The following KAZN variants were observed in gnomAD, a reference collection of about 807,000 sequenced individuals.
KAZN encodes the protein kazrin, periplakin interacting protein, also known as kazrin.
In KAZN, 40 loss-of-function variants were observed where a neutral mutation model predicts 87.4. The observed-to-expected ratio is 0.46, with a 90% confidence interval of 0.36 to 0.60. KAZN has a LOEUF of 0.60. Ranked by LOEUF, KAZN falls within the 20% of genes least tolerant of loss-of-function variation. The pLI is 0.00. For missense variants in KAZN, 898 were observed against 1,073.9 expected, an observed-to-expected ratio of 0.84 and a Z score of 2.29; for synonymous variants, 466 against 458.3, an observed-to-expected ratio of 1.02 and a Z score of -0.22.
chr1:14,520,171 T>C (rs530840510), intron 2 of KAZN, among the ~76,000 whole-genome samples: 6 of 152,184 alleles, frequency 3.9e-5, no homozygotes, highest in African/African-American at 1.2e-4. Flanking sequence ...TGGTGTCCAG[T>C]CCTGGCACTT....
At chr1:14,265,741 G>C (rs1333773906) in intron 2 of KAZN, among the ~76,000 whole-genome samples, 3 of 152,200 alleles carry the variant, frequency 2.0e-5, no homozygotes, top group African/African-American at 7.2e-5. Flanking sequence ...ATTCATCAAA[G>C]ATGACATCAT....
At chr1:14,201,344 C>T (rs938321737) in intron 2 of KAZN, among the ~76,000 whole-genome samples, 1 of 152,166 alleles carries the variant, frequency 6.6e-6, no homozygotes, top group Non-Finnish European at 1.5e-5. Flanking sequence ...TTAGTAGTTG[C>T]AAATCTGCAG....
At chr1:14,775,120 C>T (rs1645139247) in intron 1 of KAZN, among the ~76,000 whole-genome samples, 1 of 152,202 alleles carries the variant, frequency 6.6e-6, no homozygotes, top group South Asian at 2.1e-4. Context: ...GTGCATAAAT[C>T]ACCTCGTTTG....
chr1:14,812,057 G>A (rs543406694), intron 1 of KAZN, among the ~76,000 whole-genome samples: 12 of 152,134 alleles, frequency 7.9e-5, no homozygotes, highest in Non-Finnish European at 1.6e-4. Flanking sequence ...GAGCAGAACT[G>A]CTTAAGATGT....
At chr1:14,917,635 C>A (rs1435160495) in intron 1 of KAZN, among the ~76,000 whole-genome samples, 1 of 152,158 alleles carries the variant, frequency 6.6e-6, no homozygotes, top group Non-Finnish European at 1.5e-5. Context: ...TCCATTTTTA[C>A]GGATGGAGAA....
chr1:14,841,018 G>A (rs2100929766), intron 1 of KAZN, among the ~76,000 whole-genome samples: 2 of 152,280 alleles, frequency 1.3e-5, no homozygotes, highest in South Asian at 4.2e-4. Flanking sequence ...ACACATCTGG[G>A]GAAGAACATT....
intron 1 of KAZN, among the ~76,000 whole-genome samples, chr1:13,981,097 A>ATATATATATATATATATATATACG: frequency 1.0e-5 from 1 of 96,936 alleles, no homozygotes; most frequent in African/African-American, 4.2e-5. Flanking sequence ...CTTTATATAT[A>ATATATATATATATATATATATACG]TATATATATA....
intron 1 of KAZN, among the ~76,000 whole-genome samples, chr1:14,870,084 C>A (rs1421494911): frequency 1.3e-5 from 2 of 152,150 alleles, no homozygotes; most frequent in Non-Finnish European, 2.9e-5. Context: ...TGGAAAATCC[C>A]AGTATCTGTC....
intron 1 of KAZN, among the ~76,000 whole-genome samples, chr1:14,875,793 C>A (rs1321993083): frequency 2.0e-5 from 3 of 152,236 alleles, no homozygotes; most frequent in Admixed American, 6.5e-5. Context: ...CTTGCCAGTA[C>A]ACCACTGCCT....
Position 15,001,360 on chromosome 1 carries a change from A to G in KAZN, c.419-33389A>G, listed in dbSNP as rs147169187. On this transcript the variant is annotated intron_variant, in intron 2 of 14. Coordinates refer to ENST00000376030, the MANE Select transcript of KAZN (RefSeq NM_201628.3). ...TGTGGTGACTCACATCTGTAATGCC[A>G]GGTGCTGAGGCACGAGAATCACTTG... Among the ~76,000 whole-genome samples the G allele has an allele frequency of 2.9e-3, 444 of 151,706 alleles. 3 individuals are homozygous for G. The highest frequency in any genetic ancestry group is 0.01 in the African/African-American group (424 of 41,346).
chr1:14,449,440 C>G (rs1304578219), intron 2 of KAZN, among the ~76,000 whole-genome samples: 1 of 152,240 alleles, frequency 6.6e-6, no homozygotes, highest in East Asian at 1.9e-4. Flanking sequence ...GGATGATGCT[C>G]TTGCACTGAC....
At chr1:14,282,143 T>C (rs1298536575) in intron 2 of KAZN, among the ~76,000 whole-genome samples, 2 of 152,238 alleles carry the variant, frequency 1.3e-5, no homozygotes, top group Non-Finnish European at 2.9e-5. Flanking sequence ...ACCTTCTTAT[T>C]GTATACTACG....
intron 8 of KAZN, among the ~76,000 whole-genome samples, chr1:15,074,852 G>C (rs1235437630): frequency 6.6e-6 from 1 of 152,222 alleles, no homozygotes; most frequent in Non-Finnish European, 1.5e-5. Context: ...TACTAGGTCA[G>C]AGTGTGGCTG....
intron 2 of KAZN, among the ~76,000 whole-genome samples, chr1:14,299,604 C>T (rs1246630395): frequency 1.3e-5 from 2 of 152,140 alleles, no homozygotes; most frequent in African/African-American, 4.8e-5. Flanking sequence ...TCTAAAAGCC[C>T]AGGAGCTTGC....
intron 1 of KAZN, among the ~76,000 whole-genome samples, chr1:14,153,456 T>G (rs1347209559): frequency 6.6e-6 from 1 of 152,160 alleles, no homozygotes; most frequent in Non-Finnish European, 1.5e-5. Context: ...TTTTTCTCAG[T>G]GTATGTTATT....
chr1:13,952,363 TAATAATAATAATA>T (rs1343955583), intron 1 of KAZN, among the ~76,000 whole-genome samples: 27 of 148,526 alleles, frequency 1.8e-4, no homozygotes, highest in Non-Finnish European at 2.4e-4. Context: ...ATAATAATAA[TAATAATAATAATA>T]ATATCAATAT....
intron 1 of KAZN, among the ~76,000 whole-genome samples, chr1:14,127,105 CAAACA>C (rs58390428): frequency 0.57 from 86,733 of 151,920 alleles, 26,004 homozygotes; most frequent in East Asian, 0.76. Flanking sequence ...GACTCCATCT[CAAACA>C]AAACAAAACA....
rs1025473854 is a variant in KAZN, at chr1:14,643,416, G to A, written c.226+44193G>A. ...AGCCCTGACTTATAAGTGAGAACAT[G>A]TGGTATTCAGTTTCCTGTTCCTGCA... On this transcript the variant is annotated intron_variant, in intron 1 of 14. Transcript: ENST00000376030. Among the ~76,000 whole-genome samples the A allele has an allele frequency of 2.0e-4, 30 of 152,152 alleles. 1 individual carries two copies. The highest frequency in any genetic ancestry group is 2.9e-5 in the Non-Finnish European group (2 of 68,018).
chr1:14,306,375 T>A lies in KAZN; in HGVS notation c.249+125783T>A, dbSNP rs1047182311. 2.6e-5 allele frequency among the ~76,000 whole-genome samples: 4 copies of A among 152,138 alleles called. 1 individual carries two copies. The highest frequency in any genetic ancestry group is 4.4e-5 in the Non-Finnish European group (3 of 68,024). On this transcript the variant is annotated intron_variant, in intron 2 of 16. Transcript: ENST00000636203. ...AATGCAATTGGCCATTGCTTTGTGATCCTTACCACTCAGGGCCAATGTGAC... is the reference window on the plus strand; with the variant it reads ...AATGCAATTGGCCATTGCTTTGTGAACCTTACCACTCAGGGCCAATGTGAC...
Sources: allele counts gnomAD v4.1 joint callset (sites outside exome capture counted in the v4.1 genomes callset), GRCh38; gene constraint gnomAD v4.1.1; transcripts MANE v1.5; gene names NCBI Gene and HGNC (gene_info 2026-07-23, HGNC 2026-07-21).